The following ARHGAP19 variants were observed in gnomAD, a reference collection of about 807,000 sequenced individuals.
ARHGAP19 encodes Rho GTPase activating protein 19, also known as rho GTPase-activating protein 19.
Under a neutral mutation model 60.9 loss-of-function variants are expected in ARHGAP19, and 48 were observed. The observed-to-expected ratio is 0.79, with a 90% CI of 0.62 to 1.00. The LOEUF (loss-of-function observed/expected upper bound fraction) is 1.00, where lower values mean the gene tolerates loss of function less well. ARHGAP19 is among the 50% of genes least tolerant of loss of function. The pLI, the probability that ARHGAP19 is intolerant of heterozygous loss-of-function variation, is 0.00. For synonymous variants in ARHGAP19, 209 were observed against 215.5 expected (o/e 0.97, Z 0.27); for missense variants, 562 against 597.2 (o/e 0.94, Z 0.61).
Position 97,231,372 on chromosome 10 carries a change from T to C in ARHGAP19, c.1285-1498A>G, listed in dbSNP as rs114575496. Among the ~76,000 whole-genome samples, 422 of 152,322 alleles carry C rather than the reference T, an allele frequency of 2.8e-3. 2 individuals are homozygous for C. The highest frequency in any genetic ancestry group is 8.9e-3 in the African/African-American group (371 of 41,572). ...AGTTCAATGGTATTAAGTATATTAA[T>C]AGTGTTGTGCAACCATCACCATCAT... On this transcript the variant is annotated intron_variant, in intron 9 of 11. Coordinates refer to ENST00000358531, the MANE Select transcript of ARHGAP19 (RefSeq NM_032900.6).
At chr10:97,271,905 T>C (rs1339401780) in intron 1 of ARHGAP19, among the ~76,000 whole-genome samples, 1 of 151,946 alleles carries the variant, frequency 6.6e-6, no homozygotes, top group Non-Finnish European at 1.5e-5. Flanking sequence ...TCCTTTATGG[T>C]AAATAATACA....
intron 8 of ARHGAP19, 45 bp from the exon 9 acceptor site, chr10:97,235,360 A>C: frequency 6.6e-7 from 1 of 1,508,090 alleles, no homozygotes; most frequent in Non-Finnish European, 9.2e-7. Context: ...TTTCCCATCA[A>C]GACACGGCAT....
intron 11 of ARHGAP19, among the ~76,000 whole-genome samples, chr10:97,228,613 G>GA (rs1850944008): frequency 1.3e-5 from 2 of 152,090 alleles, no homozygotes; most frequent in Admixed American, 6.6e-5. Flanking sequence ...GGCACAGCAG[G>GA]CTTTTACCAG....
intron 6 of ARHGAP19, among the ~76,000 whole-genome samples, chr10:97,246,542 T>A (rs1842566495): frequency 6.6e-6 from 1 of 152,156 alleles, no homozygotes; most frequent in Non-Finnish European, 1.5e-5. Flanking sequence ...GGAAAAACTG[T>A]GAGAAGACAC....
At chr10:97,257,347 G>A (rs146926214) in intron 5 of ARHGAP19, among the ~76,000 whole-genome samples, 86 of 142,986 alleles carry the variant, frequency 6.0e-4, no homozygotes, top group Middle Eastern at 3.8e-3. Flanking sequence ...GAGTACAGTG[G>A]TGCAATCATA....
intron 6 of ARHGAP19, among the ~76,000 whole-genome samples, chr10:97,249,511 G>A (rs934252286): frequency 1.1e-4 from 17 of 152,154 alleles, no homozygotes; most frequent in African/African-American, 3.1e-4. Context: ...AGGTGATAGA[G>A]GAACAAGTTA....
At chr10:97,263,659 G>A (rs1199499612) in intron 3 of ARHGAP19, 30 bp from the exon 4 acceptor site, 1 of 1,589,414 alleles carries the variant, frequency 6.3e-7, no homozygotes, top group South Asian at 1.1e-5. Context: ...GCAGAGGACA[G>A]GCAAAAAGGA....
At chr10:97,267,934 A>G (rs1339024373) in intron 1 of ARHGAP19, among the ~76,000 whole-genome samples, 3 of 152,238 alleles carry the variant, frequency 2.0e-5, no homozygotes, top group Non-Finnish European at 4.4e-5. Context: ...TCCTGGAGAC[A>G]TTTTCCCCAT....
At chr10:97,243,811 A>G (rs1337238430) in intron 8 of ARHGAP19, among the ~76,000 whole-genome samples, 157 bp downstream of exon 8, 1 of 152,166 alleles carries the variant, frequency 6.6e-6, no homozygotes, top group Admixed American at 6.6e-5. Context: ...TCTGTAGTGG[A>G]GCAATGGCAC....
intron 8 of ARHGAP19, among the ~76,000 whole-genome samples, chr10:97,241,066 A>G (rs1011463768): frequency 6.6e-6 from 1 of 152,218 alleles, no homozygotes; most frequent in African/African-American, 2.4e-5. Flanking sequence ...CACGCCTGTA[A>G]TACCAGCACT....
rs1842565477 is a variant in ARHGAP19 at position 97,246,459 on chromosome 10, G to A, written c.928-122C>T. Reference sequence around the variant, plus strand: ...AGCAGATTACTTTTAAAAAGCCAAAGATCCTCAAAATTCATAGCCCCTCCA... The same window carrying A: ...AGCAGATTACTTTTAAAAAGCCAAAAATCCTCAAAATTCATAGCCCCTCCA... On this transcript the variant is annotated intron_variant, in intron 6 of 11. Transcript: ENST00000358531. 4 of 751,844 alleles carry A rather than the reference G, an allele frequency of 5.3e-6. No homozygotes were observed. In the Admixed American group the frequency reaches 7.5e-5, roughly 14 times the overall value. The allele number at this position is 751,844 out of a possible 1,614,324, so 46.6% of individuals were successfully genotyped here. A position where few individuals can be genotyped will look rare whatever the true frequency, so the allele number is the denominator to read the frequency against.
chr10:97,282,225 C>G (rs918338846), intron 1 of ARHGAP19, among the ~76,000 whole-genome samples: 1 of 152,182 alleles, frequency 6.6e-6, no homozygotes, highest in Non-Finnish European at 1.5e-5. Context: ...CAAAAAGTCT[C>G]AACTCCAAGA....
chr10:97,283,921 AT>A (rs1843120673), intron 1 of ARHGAP19, among the ~76,000 whole-genome samples: 2 of 146,456 alleles, frequency 1.4e-5, no homozygotes, highest in Non-Finnish European at 3.0e-5. Flanking sequence ...TTTTCTACAT[AT>A]TTTTCTTTCC....
chr10:97,237,898 AAAC>A (rs537659250), intron 8 of ARHGAP19, among the ~76,000 whole-genome samples: 4 of 152,162 alleles, frequency 2.6e-5, no homozygotes, highest in African/African-American at 9.6e-5. Flanking sequence ...CAAAAAAACA[AAAC>A]AACAATAATG....
At chr10:97,257,049 A>G (rs1589461623) in intron 5 of ARHGAP19, among the ~76,000 whole-genome samples, 2 of 152,242 alleles carry the variant, frequency 1.3e-5, no homozygotes, top group Admixed American at 1.3e-4. Context: ...TGAACCCGGG[A>G]GGCAGAGCTT....
At chr10:97,240,808 T>C (rs1415688777) in intron 8 of ARHGAP19, among the ~76,000 whole-genome samples, 1 of 152,206 alleles carries the variant, frequency 6.6e-6, no homozygotes, top group Non-Finnish European at 1.5e-5. Context: ...AATATGATCT[T>C]AAGTAAACGA....
intron 8 of ARHGAP19, among the ~76,000 whole-genome samples, chr10:97,240,896 G>C (rs1842468118): frequency 6.6e-6 from 1 of 152,190 alleles, no homozygotes; most frequent in East Asian, 1.9e-4. Context: ...GTTACCTCTG[G>C]ATGTGTGTAG....
At chr10:97,287,992 G>T (rs1843177402) in intron 1 of ARHGAP19, among the ~76,000 whole-genome samples, 1 of 152,176 alleles carries the variant, frequency 6.6e-6, no homozygotes, top group Non-Finnish European at 1.5e-5. Flanking sequence ...AACCCAGGAG[G>T]TGGAGGTTGC....
chr10:97,253,214 C>T (rs1476745937), intron 6 of ARHGAP19, among the ~76,000 whole-genome samples: 4 of 151,878 alleles, frequency 2.6e-5, no homozygotes, highest in Non-Finnish European at 5.9e-5. Flanking sequence ...CCTGTCTCTA[C>T]CAAAAATACA....
Sources: gnomAD v4.1 joint callset for allele counts (sites outside exome capture counted in the v4.1 genomes callset) on GRCh38, gnomAD v4.1.1 for gene constraint, MANE v1.5 for transcripts, NCBI Gene and HGNC (gene_info 2026-07-23, HGNC 2026-07-21) for gene names.